FSTL5: variants seen among roughly 807,000 people sequenced by gnomAD.
FSTL5 encodes the protein follistatin-related protein 5.
In FSTL5, 62 loss-of-function variants were observed where a neutral mutation model predicts 89.1. That is an observed-to-expected ratio of 0.70 (90% confidence interval 0.57 to 0.86). FSTL5 has a LOEUF of 0.86. FSTL5 is among the 40% of genes least tolerant of loss of function. FSTL5 has a pLI of 0.00. For missense variants in FSTL5, 1,057 were observed against 1,001.6 expected (o/e 1.06, Z -0.75); for synonymous variants, 383 against 346.2 (o/e 1.11, Z -1.18).
At chr4:161,977,729 C>A (rs760893663) in intron 3 of FSTL5, among the ~76,000 whole-genome samples, 26 of 150,220 alleles carry the variant, frequency 1.7e-4, no homozygotes, top group Non-Finnish European at 2.8e-4. Context: ...TTGAGCCCAT[C>A]ATGGGATTGG....
chr4:161,910,673 A>G (rs1386767745), intron 4 of FSTL5, among the ~76,000 whole-genome samples: 1 of 152,120 alleles, frequency 6.6e-6, no homozygotes, highest in Non-Finnish European at 1.5e-5. Flanking sequence ...CTTAATTGAA[A>G]TTACCATCAT....
intron 13 of FSTL5, 76 bp from the exon 14 acceptor site, chr4:161,459,395 T>C: frequency 1.1e-3 from 759 of 665,736 alleles, no homozygotes; most frequent in Non-Finnish European, 1.8e-3. Context: ...ATTATGAAGA[T>C]TCTAATTTAG....
intron 4 of FSTL5, among the ~76,000 whole-genome samples, chr4:161,918,913 G>T (rs1046108032): frequency 6.6e-6 from 1 of 152,038 alleles, no homozygotes; most frequent in Non-Finnish European, 1.5e-5. Context: ...AAAGTGCTGG[G>T]ATTACCAGGG....
intron 15 of FSTL5, among the ~76,000 whole-genome samples, chr4:161,433,254 T>C (rs1325280744): frequency 6.6e-6 from 1 of 151,874 alleles, no homozygotes; most frequent in Non-Finnish European, 1.5e-5. Context: ...ATCCCAGAAA[T>C]ATGTAAATCA....
chr4:161,875,886 T>A (rs1017390386), intron 4 of FSTL5, among the ~76,000 whole-genome samples: 1 of 152,198 alleles, frequency 6.6e-6, no homozygotes, highest in African/African-American at 2.4e-5. Flanking sequence ...ATCTGTTTGA[T>A]CTACAAAAGT....
At chr4:161,909,384 T>C (rs1015725854) in intron 4 of FSTL5, among the ~76,000 whole-genome samples, 6 of 152,118 alleles carry the variant, frequency 3.9e-5, no homozygotes, top group Non-Finnish European at 8.8e-5. Flanking sequence ...CTTCAATTAC[T>C]CAGTGCATTA....
chr4:161,954,957 A>G (rs959587943), intron 3 of FSTL5, among the ~76,000 whole-genome samples: 6 of 151,648 alleles, frequency 4.0e-5, no homozygotes, highest in Admixed American at 6.6e-5. Flanking sequence ...ATAAAGTAAT[A>G]ATGACAACAT....
In FSTL5 at chr4:162,011,506, T is replaced by G. The variant is rs1043828702; in HGVS notation, c.160+22119A>C. Reference sequence around the variant, plus strand: ...GTGCTTGTTATTTTACTTTTTTTTTTCTTTGAGACAGAATTTTGCTCTTGT... The same window carrying G: ...GTGCTTGTTATTTTACTTTTTTTTTGCTTTGAGACAGAATTTTGCTCTTGT... On this transcript the variant is annotated intron_variant, in intron 3 of 15. Transcript: ENST00000306100. Among the ~76,000 whole-genome samples, 5 of 152,238 alleles carry G rather than the reference T, an allele frequency of 3.3e-5. No individual in the cohort carries two copies. In the Middle Eastern group the frequency reaches 0.014, roughly 414 times the overall value.
At chr4:161,710,103 G>A (rs746053994) in intron 6 of FSTL5, among the ~76,000 whole-genome samples, 2 of 151,818 alleles carry the variant, frequency 1.3e-5, no homozygotes, top group Non-Finnish European at 2.9e-5. Flanking sequence ...CCAGTAGCTG[G>A]GACCAGAGAA....
chr4:162,067,467 T>C (rs1023450843), intron 2 of FSTL5, among the ~76,000 whole-genome samples: 4 of 152,092 alleles, frequency 2.6e-5, no homozygotes, highest in African/African-American at 4.8e-5. Flanking sequence ...ATCTTTATAA[T>C]AGAGTGATTT....
chr4:161,992,904 GTATA>G (rs755647924), intron 3 of FSTL5, among the ~76,000 whole-genome samples: 13 of 62,294 alleles, frequency 2.1e-4, no homozygotes, highest in African/African-American at 7.9e-4. Context: ...ATATGTGTGT[GTATA>G]TATATATATA....
At chr4:161,524,423 C>T (rs1434431330) in intron 10 of FSTL5, among the ~76,000 whole-genome samples, 2 of 152,074 alleles carry the variant, frequency 1.3e-5, no homozygotes, top group Non-Finnish European at 2.9e-5. Flanking sequence ...TGTGTCACAG[C>T]CATGGTCACT....
chr4:161,397,381 TATCATATGTATAAAATTAA>T (rs1288140915), intron 15 of FSTL5, among the ~76,000 whole-genome samples: 2 of 151,840 alleles, frequency 1.3e-5, no homozygotes, highest in Non-Finnish European at 2.9e-5. Context: ...GAAGCAAACA[TATCATATGTATAAAATTAA>T]TAATAGAATA....
intron 5 of FSTL5, 131 bp downstream of exon 5, chr4:161,775,744 ATGT>A: frequency 2.2e-6 from 1 of 458,632 alleles, no homozygotes; most frequent in Non-Finnish European, 3.8e-6. Flanking sequence ...TGCTACAAAA[ATGT>A]TGTTATTCAT....
chr4:161,883,894 CTT>C (rs1732715422), intron 4 of FSTL5, among the ~76,000 whole-genome samples: 1 of 152,062 alleles, frequency 6.6e-6, no homozygotes, highest in Admixed American at 6.5e-5. Flanking sequence ...TTCCTCAACT[CTT>C]TGAATATTTT....
chr4:161,461,303 AAC>A (rs768996810), intron 13 of FSTL5, among the ~76,000 whole-genome samples: 3 of 145,434 alleles, frequency 2.1e-5, no homozygotes, highest in African/African-American at 7.6e-5. Flanking sequence ...AAAACAAACA[AAC>A]AAAAAAATTA....
intron 7 of FSTL5, among the ~76,000 whole-genome samples, chr4:161,594,493 A>G (rs1733940557): frequency 6.6e-6 from 1 of 152,094 alleles, no homozygotes; most frequent in Admixed American, 6.6e-5. Flanking sequence ...CCAAGACTGC[A>G]ACTTTTAAAG....
chr4:161,925,220 T>C (rs937931896), intron 3 of FSTL5, among the ~76,000 whole-genome samples: 2 of 151,966 alleles, frequency 1.3e-5, no homozygotes, highest in Non-Finnish European at 2.9e-5. Context: ...TTATTTATAG[T>C]TCACCTGCCT....
intron 11 of FSTL5, among the ~76,000 whole-genome samples, chr4:161,507,547 A>C (rs996191382): frequency 1.3e-5 from 2 of 151,760 alleles, no homozygotes; most frequent in African/African-American, 4.8e-5. Flanking sequence ...CAATGTTTTC[A>C]ATGTGTTTTA....
Sources: allele counts gnomAD v4.1 joint callset (sites outside exome capture counted in the v4.1 genomes callset), GRCh38; gene constraint gnomAD v4.1.1; transcripts MANE v1.5; gene names NCBI Gene and HGNC (gene_info 2026-07-23, HGNC 2026-07-21).